The following SH2D4B variants were observed in gnomAD, a reference collection of about 807,000 sequenced individuals.
SH2D4B encodes SH2 domain containing 4B.
In SH2D4B, 45 loss-of-function variants were observed where a neutral mutation model predicts 61.5. The ratio of observed to expected loss-of-function variants is 0.73; its 90% CI spans 0.58 to 0.94. SH2D4B has a LOEUF of 0.94. Ranked by LOEUF, SH2D4B falls within the 40% of genes least tolerant of loss-of-function variation. The pLI is 0.00. For synonymous variants in SH2D4B, 224 were observed against 220.4 expected (o/e 1.02, Z -0.14); for missense variants, 572 against 574.2 (o/e 1.00, Z 0.04).
intron 1 of SH2D4B, among the ~76,000 whole-genome samples, chr10:80,547,955 A>G (rs1841704933): frequency 6.6e-6 from 1 of 152,106 alleles, no homozygotes; most frequent in Non-Finnish European, 1.5e-5. Flanking sequence ...CAAGAAGAAA[A>G]TCATTAGAAG....
Position 80,571,508 on chromosome 10 carries a change from A to T in SH2D4B, c.425A>T (p.Lys142Met). The stretch of plus-strand genomic sequence containing the variant: ...GAGAAAGCCCGGATCTTGGCGGAGA[A>T]GTGGAAAGTGGAGATGGAAGACCGC... ...ANEKARILAE[K>M]WKVEMEDRKA... The change falls in exon 3 of 8, where the codon AAG becomes ATG. Residue 142 changes from lysine to methionine, a missense_variant. Coordinates refer to ENST00000646907, the MANE Select transcript of SH2D4B (RefSeq NM_001388272.1). 6.2e-7 allele frequency: 1 copy of T among 1,614,104 alleles called. No individual in the cohort carries two copies. The highest frequency in any genetic ancestry group is 1.7e-5 in the Admixed American group (1 of 60,008).
intron 1 of SH2D4B, among the ~76,000 whole-genome samples, chr10:80,550,017 C>G (rs1207726167): frequency 6.7e-6 from 1 of 148,246 alleles, no homozygotes; most frequent in African/African-American, 2.5e-5. Context: ...TTTGAATAAT[C>G]TGTGTCCACA....
intron 6 of SH2D4B, among the ~76,000 whole-genome samples, chr10:80,622,827 T>C (rs1197357540): frequency 6.6e-6 from 1 of 152,252 alleles, no homozygotes; most frequent in Non-Finnish European, 1.5e-5. Flanking sequence ...GTGTTAGTGG[T>C]TTATTCCTAC....
chr10:80,583,731 C>T (rs529167455), intron 3 of SH2D4B, among the ~76,000 whole-genome samples: 6 of 151,936 alleles, frequency 3.9e-5, no homozygotes, highest in Non-Finnish European at 5.9e-5. Flanking sequence ...AGAAGATAAA[C>T]TCAAGAAGAC....
intron 1 of SH2D4B, 151 bp from the exon 2 acceptor site, chr10:80,570,003 C>T: frequency 1.1e-6 from 1 of 934,400 alleles, no homozygotes; most frequent in Admixed American, 2.5e-5. Context: ...GGTTGTGGAC[C>T]TGCCCCCAGG....
chr10:80,544,448 A>C (rs535788406), intron 1 of SH2D4B, among the ~76,000 whole-genome samples: 29 of 152,222 alleles, frequency 1.9e-4, no homozygotes, highest in Non-Finnish European at 4.1e-4. Flanking sequence ...GAACCCACCA[A>C]TTCCAGACAC....
intron 1 of SH2D4B, among the ~76,000 whole-genome samples, chr10:80,554,334 T>C (rs1841799533): frequency 6.6e-6 from 1 of 152,206 alleles, no homozygotes; most frequent in Non-Finnish European, 1.5e-5. Context: ...TGTCTCCTGG[T>C]TTCTTACTGT....
chr10:80,632,847 T>G (rs1232113394), intron 6 of SH2D4B, among the ~76,000 whole-genome samples: 1 of 151,496 alleles, frequency 6.6e-6, no homozygotes, highest in African/African-American at 2.4e-5. Context: ...TTTTCAGGTG[T>G]CCTGTGGCGA....
intron 6 of SH2D4B, among the ~76,000 whole-genome samples, chr10:80,632,291 A>G (rs1176455501): frequency 6.6e-6 from 1 of 152,146 alleles, no homozygotes; most frequent in East Asian, 1.9e-4. Flanking sequence ...TACCACAAAA[A>G]ATATGTGAGG....
At chr10:80,587,197 G>A (rs535211607) in intron 3 of SH2D4B, among the ~76,000 whole-genome samples, 5 of 141,388 alleles carry the variant, frequency 3.5e-5, no homozygotes, top group East Asian at 2.1e-4. Flanking sequence ...GTGCAGTGGC[G>A]CGATCTCGGC....
rs1472049051 is a variant in SH2D4B at position 80,645,650 on chromosome 10, C to T, written c.*1565C>T. 1 of 152,354 alleles carries T rather than the reference C, an allele frequency of 6.6e-6. No individual in the cohort carries two copies. The highest frequency in any genetic ancestry group is 2.1e-4 in the South Asian group (1 of 4,824). 9.4% of individuals were successfully genotyped at this position (152,354 alleles called of 1,614,324 possible). On this transcript the variant is annotated 3_prime_UTR_variant, in exon 8 of 8. Coordinates refer to ENST00000646907, the MANE Select transcript of SH2D4B (RefSeq NM_001388272.1). ...GCCGGATCAGTATGACACCCTGCTG[C>T]CCCCGTTTTTAATTCTTCTCTGCCT...
chr10:80,538,478 C>T lies in SH2D4B; in HGVS notation c.147C>T (p.Ala49=). The change falls in exon 1 of 8, where the codon GCC becomes GCT. Residue 49 remains alanine, a synonymous_variant. Coordinates refer to ENST00000646907, the MANE Select transcript of SH2D4B (RefSeq NM_001388272.1). This position sits in a 1 kb window ranked among gnomAD's most constrained non-coding sequence, Gnocchi z 4.8. ...AGCGGGAGACTTGGGAGGCCCTGGC[C>T]CAGGACGAGGGTCTCAGGCCTCCAA... ...WKERETWEAL[A]QDEGLRPPKT... is the part of the protein sequence containing the mutation. 6.9e-7 allele frequency: 1 copy of T among 1,455,534 alleles called. No homozygotes were observed. Among genetic ancestry groups the T allele is most frequent in the Non-Finnish European group, 9.1e-7 (1 of 1,103,590 alleles). The allele number at this position is 1,455,534 out of a possible 1,614,324, so 90.2% of individuals were successfully genotyped here. A position where few individuals can be genotyped will look rare whatever the true frequency, so the allele number is the denominator to read the frequency against.
intron 6 of SH2D4B, among the ~76,000 whole-genome samples, chr10:80,633,089 G>A (rs1035975152): frequency 6.6e-6 from 1 of 151,950 alleles, no homozygotes; most frequent in African/African-American, 2.4e-5. Context: ...GCCCTGGGAG[G>A]CAGGAGAGTG....
chr10:80,625,440 T>A (rs1013471081), intron 6 of SH2D4B, among the ~76,000 whole-genome samples: 4 of 152,364 alleles, frequency 2.6e-5, no homozygotes, highest in Middle Eastern at 3.4e-3. Flanking sequence ...TTTAAATTAT[T>A]TCTAGATGAC....
intron 1 of SH2D4B, among the ~76,000 whole-genome samples, chr10:80,553,306 G>A (rs7067940): frequency 0.03 from 4,525 of 152,314 alleles, 232 homozygotes; most frequent in African/African-American, 0.1. Context: ...ACTGTGAGAT[G>A]CTAAAGATTT....
At chr10:80,558,467 T>A (rs952167888) in intron 1 of SH2D4B, among the ~76,000 whole-genome samples, 1 of 151,280 alleles carries the variant, frequency 6.6e-6, no homozygotes, top group African/African-American at 2.5e-5. Context: ...TGCCATATAA[T>A]GATCATGCAT....
At position 80,603,719 on chromosome 10, in the gene SH2D4B, A is replaced by G. The variant is rs1321610975; in HGVS notation, c.784A>G (p.Ser262Gly). ...CTCCATGTTCCGGGAGCTTGGCCAG[A>G]GCCATGAGCAGGAGGCAAGACTCTA... ...LSSMFRELGQ[S>G]HEQEARLYHH... The change falls in exon 5 of 8, where the codon AGC (serine) becomes GGC (glycine). Residue 262 changes from serine to glycine, a missense_variant. By Grantham distance (56) the Ser-to-Gly change is moderately conservative. Coordinates refer to ENST00000646907, the MANE Select transcript of SH2D4B (RefSeq NM_001388272.1). 2.5e-6 allele frequency: 4 copies of G among 1,613,516 alleles called. No homozygotes were observed. Among genetic ancestry groups the G allele is most frequent in the Non-Finnish European group, 3.4e-6 (4 of 1,179,968 alleles).
At chr10:80,572,643 G>C (rs1258446550) in intron 3 of SH2D4B, among the ~76,000 whole-genome samples, 3 of 151,484 alleles carry the variant, frequency 2.0e-5, no homozygotes. Context: ...TTTTTGAGAC[G>C]GAGTCTTGCT....
At chr10:80,630,860 G>A (rs904846841) in intron 6 of SH2D4B, among the ~76,000 whole-genome samples, 2 of 152,204 alleles carry the variant, frequency 1.3e-5, no homozygotes, top group Non-Finnish European at 2.9e-5. Flanking sequence ...GAGCCCAGAG[G>A]GGTAGGTTGA....
Sources: allele counts gnomAD v4.1 joint callset (sites outside exome capture counted in the v4.1 genomes callset), GRCh38; gene constraint gnomAD v4.1.1; non-coding constraint Gnocchi (gnomAD v3.1); transcripts MANE v1.5; gene names NCBI Gene and HGNC (gene_info 2026-07-23, HGNC 2026-07-21).